The following THEMIS2 variants were observed in gnomAD, a reference collection of about 807,000 sequenced individuals.
THEMIS2 encodes thymocyte selection associated family member 2.
In THEMIS2, 29 loss-of-function variants were observed where a neutral mutation model predicts 46.8. The observed-to-expected ratio is 0.62, with a 90% CI of 0.46 to 0.84. The LOEUF (loss-of-function observed/expected upper bound fraction) is 0.84. Ranked by LOEUF, THEMIS2 falls within the 40% of genes least tolerant of loss-of-function variation. THEMIS2 has a pLI of 0.00. For missense variants in THEMIS2, 698 were observed against 834.7 expected, an observed-to-expected ratio of 0.84 and a Z score of 2.02; for synonymous variants, 335 against 349.1, an observed-to-expected ratio of 0.96 and a Z score of 0.45.
chr1:27,884,123 T>G (rs1179664792), intron 4 of THEMIS2: 2 of 152,268 alleles, frequency 1.3e-5, no homozygotes, highest in Non-Finnish European at 2.9e-5. Flanking sequence ...TCCCAACCAA[T>G]TCTCACAGTG....
At chr1:27,877,225 G>C (rs2089597128) in intron 2 of THEMIS2, among the ~76,000 whole-genome samples, 2 of 152,312 alleles carry the variant, frequency 1.3e-5, no homozygotes, top group African/African-American at 4.8e-5. Flanking sequence ...CTTCTTGGAG[G>C]AGGTGGCATC....
In THEMIS2 at chr1:27,882,011, C is replaced by T. The variant is rs377411263; in HGVS notation, c.687C>T (p.Val229=). The T allele has an allele frequency of 1.2e-5, 20 of 1,613,920 alleles. No homozygotes were observed. Among genetic ancestry groups the T allele is most frequent in the Admixed American group, 3.3e-5 (2 of 60,002 alleles). The change falls in exon 4 of 6, where the codon GTC becomes GTT. Residue 229 remains valine (V), a synonymous_variant. Transcript: ENST00000373921. This position sits in a 1 kb window ranked among gnomAD's most constrained non-coding sequence, Gnocchi z 7.6. ...TCAAGATCCCTTCTACCCTGGAGGT[C>T]GACGTGGAGGACGTCACCGCCTCCT... ...TIVKIPSTLE[V]DVEDVTASSR...
In THEMIS2 at chr1:27,886,485, T is replaced by G. The variant is rs2089774760; in HGVS notation, c.*563T>G. The G allele has an allele frequency of 6.7e-6, 1 of 149,526 alleles. No homozygotes were observed. Among genetic ancestry groups the G allele is most frequent in the Non-Finnish European group, 1.5e-5 (1 of 67,790 alleles). The allele number at this position is 149,526 out of a possible 1,614,324, so 9.3% of individuals were successfully genotyped here. A position where few individuals can be genotyped will look rare whatever the true frequency, so the allele number is the denominator to read the frequency against. On this transcript the variant is annotated 3_prime_UTR_variant, in exon 6 of 6. Transcript: ENST00000373921. ...GGAACTTGGCTTCAAGAACACAACC[T>G]TAGGACCTTGGGCCCCAAAAGCTGG...
rs1471835190 is a variant in THEMIS2 at position 27,876,686 on chromosome 1, C to A, written c.193C>A (p.Pro65Thr). 4 of 1,614,026 alleles carry A rather than the reference C, an allele frequency of 2.5e-6. No homozygotes were observed. Residue 65 changes from proline to threonine, a missense_variant, in exon 2 of 6, where the codon CCG becomes ACG. By Grantham distance (38) the Pro-to-Thr change is conservative (BLOSUM62 -1). Coordinates refer to ENST00000373921, the MANE Select transcript of THEMIS2 (RefSeq NM_001105556.3). The stretch of plus-strand genomic sequence containing the variant: ...CCTCCAGAAGGTGGTCTGTGAGAAC[C>A]CGAAGACCAGCCAGACCATGGAGCT... ...VRLQKVVCEN[P>T]KTSQTMELAP...
chr1:27,879,606 C>A, intron 2 of THEMIS2, 38 bp from the exon 3 acceptor site: 1 of 1,534,348 alleles, frequency 6.5e-7, no homozygotes. Context: ...ACCCTGACAC[C>A]CCACAGTGAC....
intron 1 of THEMIS2, among the ~76,000 whole-genome samples, chr1:27,874,033 G>GTTTTTTTTGT (rs2089534570): frequency 1.0e-5 from 1 of 97,164 alleles, no homozygotes; most frequent in Non-Finnish European, 1.8e-5. Flanking sequence ...TTCAACCTAG[G>GTTTTTTTTGT]TTTTTTTTTT....
In THEMIS2 at chr1:27,882,983, G is replaced by T; in HGVS notation, c.1659G>T (p.Arg553Ser). The stretch of plus-strand genomic sequence containing the variant: ...GTGAGATCCAAGCCCCCCCACCCAG[G>T]CCCCCTAAAAATCAGGGCCTCAGCA... The part of the protein sequence containing the change: ...PACEIQAPPP[R>S]PPKNQGLSKQ... Residue 553 changes from arginine (R) to serine (S), a missense_variant, in exon 4 of 6, where the codon AGG becomes AGT. By Grantham distance (110) the Arg-to-Ser change is moderately radical. Coordinates refer to ENST00000373921, the MANE Select transcript of THEMIS2 (RefSeq NM_001105556.3). This position sits in a 1 kb window ranked among gnomAD's most constrained non-coding sequence, Gnocchi z 7.6. The T allele has an allele frequency of 6.2e-7, 1 of 1,613,602 alleles. No individual in the cohort carries two copies. Among genetic ancestry groups the T allele is most frequent in the Non-Finnish European group, 8.5e-7 (1 of 1,179,910 alleles).
intron 2 of THEMIS2, among the ~76,000 whole-genome samples, chr1:27,877,408 C>T (rs531637964): frequency 1.3e-4 from 20 of 152,282 alleles, no homozygotes; most frequent in Non-Finnish European, 2.6e-4. Flanking sequence ...TCACTGCAAG[C>T]TCTGCCTCCC....
chr1:27,875,177 C>A (rs2089554971), intron 1 of THEMIS2, among the ~76,000 whole-genome samples: 1 of 152,072 alleles, frequency 6.6e-6, no homozygotes, highest in African/African-American at 2.4e-5. Context: ...CGGGGTTTCA[C>A]CATGTTGGCC....
In THEMIS2 at chr1:27,881,878, G is replaced by A. The variant is rs1219430452; in HGVS notation, c.647-93G>A. 3 of 980,646 alleles carry A rather than the reference G, an allele frequency of 3.1e-6. No homozygotes were observed. In the African/African-American group the frequency reaches 4.9e-5, roughly 16 times the overall value. 60.7% of individuals were successfully genotyped at this position (980,646 alleles called of 1,614,324 possible). On this transcript the variant is annotated intron_variant, in intron 3 of 5. Transcript: ENST00000373921. Reference sequence around the variant, plus strand: ...AAAGAAAGAAAAGACAGCAGCGGGAGGGAGGCCAGCCGGCCCAGCCAATGC... The same window carrying A: ...AAAGAAAGAAAAGACAGCAGCGGGAAGGAGGCCAGCCGGCCCAGCCAATGC...
chr1:27,885,536 C>A, intron 5 of THEMIS2, 85 bp downstream of exon 5: 1 of 1,503,586 alleles, frequency 6.7e-7, no homozygotes, highest in South Asian at 1.3e-5. Flanking sequence ...GTGGCCCTGT[C>A]CAGGGACAGA....
In THEMIS2 at chr1:27,882,964, T is replaced by A; in HGVS notation, c.1640T>A (p.Ile547Asn). The A allele has an allele frequency of 6.2e-7, 1 of 1,613,472 alleles. No homozygotes were observed. ...CTTCGGAAGTTACCAGCCTGTGAGA[T>A]CCAAGCCCCCCCACCCAGGCCCCCT... is the stretch of plus-strand genomic sequence containing the variant. ...YRLRKLPACE[I>N]QAPPPRPPKN... The change falls in exon 4 of 6, where the codon ATC (isoleucine) becomes AAC (asparagine). Residue 547 changes from isoleucine to asparagine, a missense_variant. Ile to Asn is a moderately radical substitution (Grantham distance 149). Transcript: ENST00000373921. The surrounding 1 kb of genome is among the most constrained non-coding windows in gnomAD (Gnocchi z 7.6).
Position 27,885,991 on chromosome 1 carries a change from C to G in THEMIS2, c.*69C>G. 6.0e-6 allele frequency: 9 copies of G among 1,504,110 alleles called. No homozygotes were observed. Among genetic ancestry groups the G allele is most frequent in the Non-Finnish European group, 3.7e-6 (4 of 1,082,808 alleles). The allele number at this position is 1,504,110 out of a possible 1,614,324, so 93.2% of individuals were successfully genotyped here. A position where few individuals can be genotyped will look rare whatever the true frequency, so the allele number is the denominator to read the frequency against. ...TCCGACACCAGCCAACCATTTTAAGCCTCTAAAAGACCTCGGGCAAGTCTC... is the reference window on the plus strand; with the variant it reads ...TCCGACACCAGCCAACCATTTTAAGGCTCTAAAAGACCTCGGGCAAGTCTC... On this transcript the variant is annotated 3_prime_UTR_variant, in exon 6 of 6. Transcript: ENST00000373921.
chr1:27,872,694 A>C lies in THEMIS2; in HGVS notation c.94+29A>C, dbSNP rs1465827056. On this transcript the variant is annotated intron_variant, in intron 1 of 5. Coordinates refer to ENST00000373921, the MANE Select transcript of THEMIS2 (RefSeq NM_001105556.3). This position sits in a 1 kb window ranked among gnomAD's most constrained non-coding sequence, Gnocchi z 4.9. ...AGCGGGGGCTGGAACCCCTCCGAGC[A>C]CTCCCTTGGTGTGGGGCGGGGGCAG... The C allele has an allele frequency of 7.7e-7, 1 of 1,296,428 alleles. No homozygotes were observed. The allele number at this position is 1,296,428 out of a possible 1,614,324, so 80.3% of individuals were successfully genotyped here.
chr1:27,879,882 C>T lies in THEMIS2; in HGVS notation c.474C>T (p.His158=), dbSNP rs2089649587. 6.2e-7 allele frequency: 1 copy of T among 1,612,944 alleles called. No individual in the cohort carries two copies. The highest frequency in any genetic ancestry group is 8.5e-7 in the Non-Finnish European group (1 of 1,179,426). The change falls in exon 3 of 6, where the codon CAC becomes CAT. Residue 158 remains histidine (H), a synonymous_variant. Coordinates refer to ENST00000373921, the MANE Select transcript of THEMIS2 (RefSeq NM_001105556.3). ...TGGAGGGTCAGCAGGTCATCCTGCACCTGCCCCTATCCCAGAAGGGGCCCT... is the reference window on the plus strand; with the variant it reads ...TGGAGGGTCAGCAGGTCATCCTGCATCTGCCCCTATCCCAGAAGGGGCCCT... The part of the protein sequence containing the change: ...LGMEGQQVIL[H]LPLSQKGPFW...
chr1:27,882,313 AG>A lies in THEMIS2; in HGVS notation c.990del (p.Glu330AspfsTer9), dbSNP rs1349368297. On this transcript the variant is annotated frameshift_variant, in exon 4 of 6. Coordinates refer to ENST00000373921, the MANE Select transcript of THEMIS2 (RefSeq NM_001105556.3). LOFTEE classifies it high-confidence loss of function. This position sits in a 1 kb window ranked among gnomAD's most constrained non-coding sequence, Gnocchi z 7.6. ...YQGKLRRRPR[E>X]FPTAYDLLGA... is the part of the protein sequence containing the mutation. ...GGCAAGCTGCGGCGGCGGCCAAGGG[AG>A]TTCCCCACGGCCTATGACCTCCTAG... The A allele has an allele frequency of 6.3e-7, 1 of 1,596,312 alleles. No individual in the cohort carries two copies.
intron 2 of THEMIS2, among the ~76,000 whole-genome samples, chr1:27,877,554 C>G (rs2089603761): frequency 6.6e-6 from 1 of 152,084 alleles, no homozygotes; most frequent in Non-Finnish European, 1.5e-5. Context: ...ATCTCGATCT[C>G]CTGACCTCGT....
chr1:27,881,875 G>A (rs2089684315), intron 3 of THEMIS2, 96 bp from the exon 4 acceptor site: 1 of 932,824 alleles, frequency 1.1e-6, no homozygotes, highest in Admixed American at 2.6e-5. Context: ...GACAGCAGCG[G>A]GAGGGAGGCC....
At position 27,876,712 on chromosome 1, in the gene THEMIS2, C is replaced by T. The variant is rs143994998; in HGVS notation, c.219C>T (p.Leu73=). ...CGAAGACCAGCCAGACCATGGAGCT[C>T]GCCCCCAACTTCCAGGGTAAGGTGG... The part of the protein sequence containing the change: ...ENPKTSQTME[L]APNFQGYFTP... The change falls in exon 2 of 6, where the codon CTC becomes CTT. Residue 73 remains leucine, a synonymous_variant. Coordinates refer to ENST00000373921, the MANE Select transcript of THEMIS2 (RefSeq NM_001105556.3). 2.2e-5 allele frequency: 36 copies of T among 1,613,758 alleles called. No individual in the cohort carries two copies. In the African/African-American group the frequency reaches 3.9e-4, roughly 17 times the overall value.
Sources: gnomAD v4.1 joint callset for allele counts (sites outside exome capture counted in the v4.1 genomes callset) on GRCh38, gnomAD v4.1.1 for gene constraint, Gnocchi (gnomAD v3.1) non-coding constraint, MANE v1.5 for transcripts, NCBI Gene and HGNC (gene_info 2026-07-23, HGNC 2026-07-21) for gene names.